Variants in CYP19A1 observed in about 807,000 individuals in gnomAD.
CYP19A1 encodes cytochrome P450 family 19 subfamily A member 1.
In CYP19A1, 32 loss-of-function variants were observed where a neutral mutation model predicts 44.4. The ratio of observed to expected loss-of-function variants is 0.72; its 90% CI spans 0.54 to 0.97. The LOEUF (loss-of-function observed/expected upper bound fraction) is 0.97, where lower values mean the gene tolerates loss of function less well. CYP19A1 is among the 50% of genes least tolerant of loss of function. CYP19A1 has a pLI of 0.00. For synonymous variants in CYP19A1, 212 were observed against 215.6 expected (o/e 0.98, Z 0.14); for missense variants, 598 against 637.8 (o/e 0.94, Z 0.67).
chr15:51,218,700 C>G, intron 5 of CYP19A1, 45 bp from the exon 6 acceptor site: 1 of 1,579,796 alleles, frequency 6.3e-7, no homozygotes, highest in Non-Finnish European at 8.6e-7. Flanking sequence ...AGCAGTTGAG[C>G]AAAATGTGAG....
At chr15:51,211,416 T>A (rs1307402827) in intron 9 of CYP19A1, among the ~76,000 whole-genome samples, 1 of 152,226 alleles carries the variant, frequency 6.6e-6, no homozygotes, top group Non-Finnish European at 1.5e-5. Flanking sequence ...TATTTTTGTG[T>A]GACACCATAT....
intron 1 of CYP19A1, among the ~76,000 whole-genome samples, chr15:51,283,034 C>T (rs1220375874): frequency 2.0e-5 from 3 of 151,882 alleles, no homozygotes; most frequent in Non-Finnish European, 4.4e-5. Flanking sequence ...TTTAAAAAGG[C>T]GTATAAAGAT....
intron 3 of CYP19A1, among the ~76,000 whole-genome samples, chr15:51,234,530 T>C (rs894240471): frequency 3.9e-5 from 6 of 152,192 alleles, no homozygotes; most frequent in African/African-American, 1.2e-4. Context: ...TTTAAGAATC[T>C]AGCATCGAAA....
At chr15:51,228,608 T>C (rs965957716) in intron 3 of CYP19A1, among the ~76,000 whole-genome samples, 6 of 152,182 alleles carry the variant, frequency 3.9e-5, no homozygotes, top group Non-Finnish European at 8.8e-5. Flanking sequence ...GGCTCTGCCT[T>C]CCATCATGAC....
At position 51,210,246 on chromosome 15, in the gene CYP19A1, TGGGCTTAATTCACAGCAAG is replaced by T. The variant is rs1471836565; in HGVS notation, c.*543_*561del. On this transcript the variant is annotated 3_prime_UTR_variant, in exon 10 of 10. Transcript: ENST00000396402. ...CATATGTAGACAAACAGGAATTAAT[TGGGCTTAATTCACAGCAAG>T]GGTCAAATGCTGAATTTCTAAGCAT... 3 of 421,610 alleles carry T rather than the reference TGGGCTTAATTCACAGCAAG, an allele frequency of 7.1e-6. No individual in the cohort carries two copies. Among genetic ancestry groups the T allele is most frequent in the Non-Finnish European group, 9.4e-6 (2 of 211,742 alleles). The allele number at this position is 421,610 out of a possible 1,614,324, so 26.1% of individuals were successfully genotyped here. A position where few individuals can be genotyped will look rare whatever the true frequency, so the allele number is the denominator to read the frequency against.
At position 51,208,068 on chromosome 15, in the gene CYP19A1, G is replaced by C. The variant is rs2030550928; in HGVS notation, c.*2740C>G. 6.6e-6 allele frequency: 1 copy of C among 152,166 alleles called. No individual in the cohort carries two copies. Among genetic ancestry groups the C allele is most frequent in the Non-Finnish European group, 1.5e-5 (1 of 68,032 alleles). 9.4% of individuals were successfully genotyped at this position (152,166 alleles called of 1,614,324 possible). The stretch of plus-strand genomic sequence containing the variant: ...TCCATTTGACTTACTACTTTGACAA[G>C]GTTTAATTAGTATGTCTTTCTGCAA... On this transcript the variant is annotated 3_prime_UTR_variant, in exon 10 of 10. Coordinates refer to ENST00000396402, the MANE Select transcript of CYP19A1 (RefSeq NM_000103.4).
At chr15:51,297,834 A>ACACACC (rs1426432322) in intron 1 of CYP19A1, among the ~76,000 whole-genome samples, 390 of 145,252 alleles carry the variant, frequency 2.7e-3, no homozygotes, top group African/African-American at 9.2e-3. Context: ...ACACACACAC[A>ACACACC]CACACACACA....
intron 1 of CYP19A1, among the ~76,000 whole-genome samples, chr15:51,292,527 G>A (rs1194682536): frequency 1.3e-5 from 2 of 152,224 alleles, no homozygotes; most frequent in African/African-American, 2.4e-5. Context: ...CTCTGTCACA[G>A]GTTTAGTCTG....
chr15:51,277,957 T>TTTTG (rs1555395947), intron 1 of CYP19A1: 2 of 144,632 alleles, frequency 1.4e-5, no homozygotes, highest in African/African-American at 5.5e-5. Flanking sequence ...TGCATGAGTT[T>TTTTG]TTTTTTTTTT....
intron 1 of CYP19A1, among the ~76,000 whole-genome samples, chr15:51,287,362 C>T (rs754451515): frequency 1.3e-5 from 2 of 152,170 alleles, no homozygotes; most frequent in African/African-American, 2.4e-5. Flanking sequence ...GCAATGCGAA[C>T]CTTGATACCT....
intron 1 of CYP19A1, among the ~76,000 whole-genome samples, chr15:51,326,753 A>T (rs1192828079): frequency 6.6e-6 from 1 of 152,222 alleles, no homozygotes; most frequent in Non-Finnish European, 1.5e-5. Context: ...TAATGATACC[A>T]TCTAACAAAA....
rs527926459 is a variant in CYP19A1, at chr15:51,301,741, T to C, written c.-39+36754A>G. 1.4e-4 allele frequency among the ~76,000 whole-genome samples: 21 copies of C among 152,340 alleles called. 1 individual carries two copies. The highest frequency in any genetic ancestry group is 4.6e-4 in the African/African-American group (19 of 41,578). On this transcript the variant is annotated intron_variant, in intron 1 of 9. Coordinates refer to ENST00000396402, the MANE Select transcript of CYP19A1 (RefSeq NM_000103.4). ...GTCTTTGCAAGGCTAGGGTTACTGCTGGCTAAATTCAGCCCACTGGGAATG... is the reference window on the plus strand; with the variant it reads ...GTCTTTGCAAGGCTAGGGTTACTGCCGGCTAAATTCAGCCCACTGGGAATG...
At chr15:51,248,774 C>T (rs1014441604) in intron 1 of CYP19A1, among the ~76,000 whole-genome samples, 1 of 152,236 alleles carries the variant, frequency 6.6e-6, no homozygotes, top group Non-Finnish European at 1.5e-5. Context: ...CTTTTATTCC[C>T]CATTGTAAAC....
At chr15:51,226,272 G>GAGCTGGAAAAGACA (rs1441243408) in intron 4 of CYP19A1, among the ~76,000 whole-genome samples, 3 of 152,126 alleles carry the variant, frequency 2.0e-5, no homozygotes, top group Non-Finnish European at 4.4e-5. Context: ...CTGGCCTCTA[G>GAGCTGGAAAAGACA]AGCTGGAAAA....
At position 51,294,061 on chromosome 15, in the gene CYP19A1, T is replaced by C. The variant is rs1237585681; in HGVS notation, c.-39+44434A>G. On this transcript the variant is annotated intron_variant, in intron 1 of 9. Coordinates refer to ENST00000396402, the MANE Select transcript of CYP19A1 (RefSeq NM_000103.4). ...AGCCCCTCTGCCTGGCTGCCCCGTC[T>C]GGAAAGTGAGGAGCGTCTCTGCCCG... 5 of 181,122 alleles carry C rather than the reference T, an allele frequency of 2.8e-5. No individual in the cohort carries two copies. In the East Asian group the frequency reaches 8.0e-4, roughly 29 times the overall value. The allele number at this position is 181,122 out of a possible 1,614,324, so 11.2% of individuals were successfully genotyped here. A position where few individuals can be genotyped will look rare whatever the true frequency, so the allele number is the denominator to read the frequency against.
intron 3 of CYP19A1, among the ~76,000 whole-genome samples, chr15:51,233,418 A>G (rs2033173972): frequency 6.6e-6 from 1 of 152,210 alleles, no homozygotes; most frequent in African/African-American, 2.4e-5. Flanking sequence ...AGGTAAAGGA[A>G]TTTTGGCTGG....
chr15:51,241,331 A>T (rs1476744280), intron 2 of CYP19A1, among the ~76,000 whole-genome samples: 1 of 152,232 alleles, frequency 6.6e-6, no homozygotes, highest in Admixed American at 6.5e-5. Context: ...TCAAAAAGTC[A>T]GGAGCAGGGT....
chr15:51,267,338 GCCCCGC>G (rs1015649312), intron 1 of CYP19A1, among the ~76,000 whole-genome samples: 8 of 152,086 alleles, frequency 5.3e-5, no homozygotes, highest in African/African-American at 1.7e-4. Context: ...AAAACGCGGG[GCCCCGC>G]GTTCAAAAAG....
At chr15:51,327,124 G>A (rs763804423) in intron 1 of CYP19A1, among the ~76,000 whole-genome samples, 7 of 152,188 alleles carry the variant, frequency 4.6e-5, no homozygotes, top group Non-Finnish European at 1.5e-5. Flanking sequence ...CATCTTGAAA[G>A]AATAAACATG....
Sources: gnomAD v4.1 joint callset for allele counts (sites outside exome capture counted in the v4.1 genomes callset) on GRCh38, gnomAD v4.1.1 for gene constraint, MANE v1.5 for transcripts, NCBI Gene and HGNC (gene_info 2026-07-23, HGNC 2026-07-21) for gene names.